Variants in SGK1 observed in about 807,000 individuals in gnomAD.
The protein encoded by SGK1 is serine/threonine-protein kinase Sgk1.
A neutral mutation model predicts 64.2 loss-of-function variants in SGK1; 26 were observed. The observed-to-expected ratio is 0.40, with a 90% CI of 0.30 to 0.56. The LOEUF (loss-of-function observed/expected upper bound fraction) is 0.56. SGK1 is among the 20% of genes least tolerant of loss of function. SGK1 has a pLI of 0.38. For missense variants in SGK1, 519 were observed against 645.6 expected (o/e 0.80, Z 2.12); for synonymous variants, 265 against 239.7 (o/e 1.11, Z -0.98).
At chr6:134,224,307 G>A (rs538049790) in intron 2 of SGK1, among the ~76,000 whole-genome samples, 1 of 152,288 alleles carries the variant, frequency 6.6e-6, no homozygotes, top group East Asian at 1.9e-4. Flanking sequence ...GGACTATGAA[G>A]AAATAAGTGG....
At chr6:134,216,032 AC>A (rs1463903141) in intron 2 of SGK1, among the ~76,000 whole-genome samples, 2 of 152,194 alleles carry the variant, frequency 1.3e-5, no homozygotes, top group Non-Finnish European at 2.9e-5. Flanking sequence ...CAAAAAAAGA[AC>A]ATTTCTTCAA....
intron 2 of SGK1, among the ~76,000 whole-genome samples, chr6:134,228,777 T>G (rs911244237): frequency 6.6e-6 from 1 of 151,506 alleles, no homozygotes; most frequent in Non-Finnish European, 1.5e-5. Flanking sequence ...TACCCCAAGA[T>G]CCCCCATGGA....
At chr6:134,184,787 A>G (rs1338108566) in intron 3 of SGK1, among the ~76,000 whole-genome samples, 5 of 152,038 alleles carry the variant, frequency 3.3e-5, no homozygotes, top group Non-Finnish European at 5.9e-5. Flanking sequence ...GGGCTCAAGC[A>G]ATCTTCCCAC....
chr6:134,297,422 G>T, intron 1 of SGK1: 1 of 711,072 alleles, frequency 1.4e-6, no homozygotes, highest in Non-Finnish European at 2.6e-6. Context: ...CATCTGCGAT[G>T]GCAGTCTCCA....
intron 3 of SGK1, among the ~76,000 whole-genome samples, chr6:134,197,730 G>A (rs532629195): frequency 2.2e-4 from 34 of 151,986 alleles, no homozygotes; most frequent in African/African-American, 8.0e-4. Context: ...GGAGGCAGAG[G>A]CAGGAGAATC....
chr6:134,170,580 TAC>T (rs1774983440), intron 13 of SGK1, 145 bp from the exon 14 acceptor site: 1 of 752,338 alleles, frequency 1.3e-6, no homozygotes, highest in African/African-American at 1.8e-5. Flanking sequence ...CTCAAAAGGC[TAC>T]ACACAGTTAA....
rs1777709562 is a variant in SGK1 at position 134,317,763 on chromosome 6, G to T, written c.-303C>A. 1 of 321,660 alleles carries T rather than the reference G, an allele frequency of 3.1e-6. No homozygotes were observed. The highest frequency in any genetic ancestry group is 4.8e-5 in the Admixed American group (1 of 20,740). The allele number at this position is 321,660 out of a possible 1,614,324, so 19.9% of individuals were successfully genotyped here. ...GGATACGGCCAATCTCCGGGGAGAT[G>T]CTGTGGCTCTTACCGAGCGGGAGAA... On this transcript the variant is annotated 5_prime_UTR_variant, in exon 1 of 14. Transcript: ENST00000367858.
At chr6:134,219,371 C>T (rs1776041919) in intron 2 of SGK1, among the ~76,000 whole-genome samples, 1 of 152,086 alleles carries the variant, frequency 6.6e-6, no homozygotes, top group Admixed American at 6.6e-5. Flanking sequence ...TCCACTTCGC[C>T]TATTTAAATT....
chr6:134,249,752 G>T (rs1000901309), intron 2 of SGK1, among the ~76,000 whole-genome samples: 1 of 152,150 alleles, frequency 6.6e-6, no homozygotes, highest in African/African-American at 2.4e-5. Context: ...CAGCATTCTG[G>T]TATCCGTAAC....
intron 2 of SGK1, among the ~76,000 whole-genome samples, chr6:134,252,616 CAAAAA>C (rs11418007): frequency 6.1e-5 from 4 of 65,990 alleles, no homozygotes; most frequent in Non-Finnish European, 7.5e-5. Context: ...GATTCCACCT[CAAAAA>C]AAAAAAAAAA....
chr6:134,219,559 G>A (rs1369827141), intron 2 of SGK1, among the ~76,000 whole-genome samples: 3 of 151,938 alleles, frequency 2.0e-5, no homozygotes, highest in East Asian at 2.0e-4. Flanking sequence ...TTGGGAGTTC[G>A]AGACCAGCCT....
At position 134,212,045 on chromosome 6, in the gene SGK1, G is replaced by C. The variant is rs112235566; in HGVS notation, c.286-4614C>G. Among the ~76,000 whole-genome samples the C allele has an allele frequency of 5.5e-5, 5 of 90,222 alleles. 1 individual carries two copies. In the South Asian group the frequency reaches 3.0e-3, roughly 54 times the overall value. The allele number at this position is 90,222 out of a possible 152,430, so 59.2% of individuals were successfully genotyped here. ...TTGAAACTTTGGTTCCTGTTTTTTTGTTTTTTGTTTTTTGTTTTTTTTGGG... is the reference window on the plus strand; with the variant it reads ...TTGAAACTTTGGTTCCTGTTTTTTTCTTTTTTGTTTTTTGTTTTTTTTGGG... On this transcript the variant is annotated intron_variant, in intron 2 of 13. Coordinates refer to ENST00000367858, the MANE Select transcript of SGK1 (RefSeq NM_001143676.3).
chr6:134,266,492 G>A (rs1363831505), intron 1 of SGK1, among the ~76,000 whole-genome samples: 2 of 152,004 alleles, frequency 1.3e-5, no homozygotes, highest in Non-Finnish European at 2.9e-5. Flanking sequence ...GTGCACACCC[G>A]TAACCCCAGC....
At chr6:134,185,508 G>T (rs1181852475) in intron 3 of SGK1, among the ~76,000 whole-genome samples, 1 of 151,420 alleles carries the variant, frequency 6.6e-6, no homozygotes, top group African/African-American at 2.4e-5. Flanking sequence ...TGGTACAAAT[G>T]CTTAGTGCCA....
In SGK1 at chr6:134,209,920, G is replaced by A. The variant is rs112890370; in HGVS notation, c.286-2489C>T. Reference sequence around the variant, plus strand: ...TTGAACTTCTGACCTCAGGTAATCCGCCCACATTGGCCTCCCAAAGTGCTG... The same window carrying A: ...TTGAACTTCTGACCTCAGGTAATCCACCCACATTGGCCTCCCAAAGTGCTG... On this transcript the variant is annotated intron_variant, in intron 2 of 13. Coordinates refer to ENST00000367858, the MANE Select transcript of SGK1 (RefSeq NM_001143676.3). Among the ~76,000 whole-genome samples, 266 of 152,248 alleles carry A rather than the reference G, an allele frequency of 1.7e-3. 1 individual carries two copies. The highest frequency in any genetic ancestry group is 5.8e-3 in the African/African-American group (242 of 41,540).
intron 1 of SGK1, among the ~76,000 whole-genome samples, chr6:134,306,800 C>A (rs1041617862): frequency 1.3e-5 from 2 of 151,698 alleles, no homozygotes; most frequent in Non-Finnish European, 2.9e-5. Flanking sequence ...AGCCACTGAG[C>A]TCGACCTGGA....
At chr6:134,236,908 T>A (rs1228029638) in intron 2 of SGK1, among the ~76,000 whole-genome samples, 1 of 152,190 alleles carries the variant, frequency 6.6e-6, no homozygotes, top group Admixed American at 6.5e-5. Context: ...ACTGCTATTT[T>A]AAATTTTCCT....
intron 2 of SGK1, among the ~76,000 whole-genome samples, chr6:134,245,534 C>T (rs9321431): frequency 0.11 from 16,196 of 152,214 alleles, 1,081 homozygotes; most frequent in African/African-American, 0.19. Context: ...ATTTTTACTT[C>T]ACTTTTCCTG....
At position 134,297,668 on chromosome 6, in the gene SGK1, A is replaced by G. The variant is rs1469699270; in HGVS notation, c.69+19724T>C. On this transcript the variant is annotated intron_variant, in intron 1 of 13. Transcript: ENST00000367858. Reference sequence around the variant, plus strand: ...CAGGCGTGCACCACCACCCCAGGCTAATTTTTGTATTTTTAGTAGAGACAG... The same window carrying G: ...CAGGCGTGCACCACCACCCCAGGCTGATTTTTGTATTTTTAGTAGAGACAG... The G allele has an allele frequency of 2.1e-5, 9 of 425,496 alleles. No homozygotes were observed. In the East Asian group the frequency reaches 5.1e-4, roughly 24 times the overall value. 26.4% of individuals were successfully genotyped at this position (425,496 alleles called of 1,614,324 possible). A position where few individuals can be genotyped will look rare whatever the true frequency, so the allele number is the denominator to read the frequency against.
Sources: gnomAD v4.1 joint callset for allele counts (sites outside exome capture counted in the v4.1 genomes callset) on GRCh38, gnomAD v4.1.1 for gene constraint, MANE v1.5 for transcripts, NCBI Gene and HGNC (gene_info 2026-07-23, HGNC 2026-07-21) for gene names.